NF1: variants seen among roughly 807,000 people sequenced by gnomAD.
NF1 encodes the protein neurofibromin.
A neutral mutation model predicts 325.7 loss-of-function variants in NF1; 122 were observed. The observed-to-expected ratio is 0.37, with a 90% confidence interval of 0.32 to 0.44. The LOEUF is 0.44. Ranked by LOEUF, NF1 falls within the 20% of genes least tolerant of loss-of-function variation. The pLI, the probability that NF1 is intolerant of heterozygous loss-of-function variation, is 1.00. For missense variants in NF1, 2,140 were observed against 3,415.4 expected, an observed-to-expected ratio of 0.63 and a Z score of 9.31; for synonymous variants, 1,091 against 1,186.0, an observed-to-expected ratio of 0.92 and a Z score of 1.65.
chr17:31,285,277 T>TAA (rs36047376), intron 36 of NF1, among the ~76,000 whole-genome samples: 46,940 of 120,226 alleles, frequency 0.39, 9,375 homozygotes, highest in East Asian at 0.54. Context: ...AGATTCTGTT[T>TAA]AAAAAAAAAA....
At chr17:31,340,705 T>C in intron 47 of NF1, 60 bp downstream of exon 47, 1 of 1,543,790 alleles carries the variant, frequency 6.5e-7, no homozygotes. Context: ...TTCCATCTTT[T>C]CTTGTTGCTA....
At chr17:31,312,184 A>G (rs1040225666) in intron 36 of NF1, among the ~76,000 whole-genome samples, 15 of 152,082 alleles carry the variant, frequency 9.9e-5, no homozygotes, top group African/African-American at 3.4e-4. Flanking sequence ...AGGCACTACT[A>G]GTAAACTTTA....
chr17:31,342,726 G>T (rs1366342608), intron 47 of NF1, among the ~76,000 whole-genome samples: 1 of 152,204 alleles, frequency 6.6e-6, no homozygotes, highest in Admixed American at 6.5e-5. Flanking sequence ...TAATAAGCAT[G>T]TTAAAAGTCA....
chr17:31,201,269 A>T, intron 10 of NF1, 110 bp downstream of exon 10: 2 of 1,495,998 alleles, frequency 1.3e-6, no homozygotes, highest in Non-Finnish European at 1.8e-6. Context: ...TCTCACTATT[A>T]TGTATTGATG....
chr17:31,339,494 G>A (rs1016183532), intron 46 of NF1, among the ~76,000 whole-genome samples: 2 of 152,124 alleles, frequency 1.3e-5, no homozygotes, highest in African/African-American at 2.4e-5. Context: ...TGTGATTTGA[G>A]TACAAAGGTA....
At chr17:31,305,732 C>T (rs2068702495) in intron 36 of NF1, 3 of 956,574 alleles carry the variant, frequency 3.1e-6, no homozygotes, top group Admixed American at 2.9e-5. Context: ...AGTAGGTAGA[C>T]ATTATTCCTA....
chr17:31,107,859 T>A (rs371820816), intron 1 of NF1, among the ~76,000 whole-genome samples: 3 of 152,088 alleles, frequency 2.0e-5, no homozygotes, highest in Admixed American at 6.6e-5. Context: ...CTGAGCTTGC[T>A]GGACATGGTG....
intron 1 of NF1, among the ~76,000 whole-genome samples, chr17:31,127,350 G>A (rs1914969353): frequency 6.6e-6 from 1 of 152,096 alleles, no homozygotes. Flanking sequence ...AAGTTGGGAA[G>A]AATTGATTGA....
At chr17:31,143,074 GT>G (rs1386645229) in intron 1 of NF1, among the ~76,000 whole-genome samples, 8 of 152,160 alleles carry the variant, frequency 5.3e-5, no homozygotes, top group Non-Finnish European at 1.2e-4. Context: ...TTTATTAGCA[GT>G]GTCTTTTTGT....
chr17:31,135,136 G>A (rs1303961874), intron 1 of NF1, among the ~76,000 whole-genome samples: 1 of 152,022 alleles, frequency 6.6e-6, no homozygotes, highest in Non-Finnish European at 1.5e-5. Context: ...ATTCTTTTTT[G>A]TCTGCTAGAT....
chr17:31,244,517 C>G (rs1016390343), intron 29 of NF1, among the ~76,000 whole-genome samples: 6 of 152,132 alleles, frequency 3.9e-5, no homozygotes, highest in African/African-American at 1.4e-4. Flanking sequence ...TTACCTCTGG[C>G]TAGGTCTGTT....
chr17:31,175,454 A>G lies in NF1; in HGVS notation c.586+5457A>G, dbSNP rs557539360. On this transcript the variant is annotated intron_variant, in intron 5 of 57. Coordinates refer to ENST00000358273, the MANE Select transcript of NF1 (RefSeq NM_001042492.3). ...AGCCTTGAAATCCTGGGCTCAAGCTATCTTCCCACTCCTGCTTTCGAAAGT... is the reference window on the plus strand; with the variant it reads ...AGCCTTGAAATCCTGGGCTCAAGCTGTCTTCCCACTCCTGCTTTCGAAAGT... 8.4e-5 allele frequency among the ~76,000 whole-genome samples: 12 copies of G among 143,374 alleles called. No individual in the cohort carries two copies. The East Asian group carries it at 2.1e-3, about 25-fold the overall frequency. The allele number at this position is 143,374 out of a possible 152,430, so 94.1% of individuals were successfully genotyped here.
intron 39 of NF1, among the ~76,000 whole-genome samples, chr17:31,332,201 C>T (rs1163616896): frequency 2.0e-5 from 3 of 152,126 alleles, no homozygotes; most frequent in Non-Finnish European, 2.9e-5. Context: ...CGCGGTGGCT[C>T]ACGCCTGTAA....
chr17:31,361,315 A>ACTAATAG (rs2070395219), intron 57 of NF1: 1 of 152,758 alleles, frequency 6.5e-6, no homozygotes, highest in South Asian at 2.1e-4. Context: ...ACTGAGAAAT[A>ACTAATAG]CTAATAGCTA....
intron 15 of NF1, chr17:31,222,515 G>A: frequency 9.7e-7 from 1 of 1,026,676 alleles, no homozygotes; most frequent in Non-Finnish European, 1.2e-6. Context: ...GAATGGGTGT[G>A]CTAAGTTACT....
chr17:31,272,132 A>G (rs1357497077), intron 36 of NF1: 1 of 152,234 alleles, frequency 6.6e-6, no homozygotes, highest in African/African-American at 2.4e-5. Flanking sequence ...AATCAAGATG[A>G]TAATTTCTTA....
chr17:31,114,256 G>A (rs1913693855), intron 1 of NF1, among the ~76,000 whole-genome samples: 1 of 152,274 alleles, frequency 6.6e-6, no homozygotes, highest in Admixed American at 6.5e-5. Flanking sequence ...ATCTCAGCTG[G>A]TGGGGTAACC....
intron 31 of NF1, chr17:31,254,147 C>T (rs1266198866): frequency 6.7e-6 from 1 of 149,872 alleles, no homozygotes; most frequent in East Asian, 2.0e-4. Context: ...TGGTGTACTC[C>T]TGTAGTCCCA....
intron 15 of NF1, 95 bp downstream of exon 15, chr17:31,222,024 AACTT>A (rs1216829055): frequency 1.6e-5 from 21 of 1,330,756 alleles, no homozygotes; most frequent in Non-Finnish European, 2.0e-5. Context: ...TACATTGTAA[AACTT>A]ACACTTCCAA....
Sources: gnomAD v4.1 joint callset for allele counts (sites outside exome capture counted in the v4.1 genomes callset) on GRCh38, gnomAD v4.1.1 for gene constraint, MANE v1.5 for transcripts, NCBI Gene and HGNC (gene_info 2026-07-23, HGNC 2026-07-21) for gene names.